The following GPR35 variants were observed in gnomAD, a reference collection of about 807,000 sequenced individuals.
The protein encoded by GPR35 is KYNA receptor.
For missense variants in GPR35, 372 were observed against 422.5 expected (o/e 0.88, Z 1.05); for synonymous variants, 207 against 198.4 (o/e 1.04, Z -0.36).
rs917882100 is a variant in GPR35, at chr2:240,631,970, C to A, written c.*1088C>A. ...ATGCGGCTGATGGCATCTCACAGGA[C>A]CCAGGCTCCGGAGGGCCCATGCCCA... is the stretch of plus-strand genomic sequence containing the variant. On this transcript the variant is annotated 3_prime_UTR_variant, in exon 2 of 2. Coordinates refer to ENST00000407714, the MANE Select transcript of GPR35 (RefSeq NM_005301.5). Among the ~76,000 whole-genome samples the A allele has an allele frequency of 6.5e-5, 3 of 45,832 alleles. No individual in the cohort carries two copies. The highest frequency in any genetic ancestry group is 2.4e-4 in the Non-Finnish European group (3 of 12,406). The allele number at this position is 45,832 out of a possible 152,430, so 30.1% of individuals were successfully genotyped here. A position where few individuals can be genotyped will look rare whatever the true frequency, so the allele number is the denominator to read the frequency against.
chr2:240,629,884 T>C, intron 1 of GPR35, 65 bp from the exon 2 acceptor site: 1 of 1,380,996 alleles, frequency 7.2e-7, no homozygotes, highest in Admixed American at 1.8e-5. Flanking sequence ...GTGGGCAGAG[T>C]GGGGGCAGTG....
chr2:240,616,441 A>G (rs2125478806), exon 3 of GPR35: 1 of 780,694 alleles, frequency 1.3e-6, no homozygotes, highest in Non-Finnish European at 2.4e-6. Context: ...TCCAGCCTGT[A>G]TGGCTGGAGT....
In GPR35 at chr2:240,608,330, C is replaced by T. The variant is rs2043155938; in HGVS notation, c.-577+1718C>T. Among the ~76,000 whole-genome samples, 4 of 152,326 alleles carry T rather than the reference C, an allele frequency of 2.6e-5. No individual in the cohort carries two copies. In the South Asian group the frequency reaches 8.3e-4, roughly 32 times the overall value. The stretch of plus-strand genomic sequence containing the variant: ...GTTTTTAATAGAAATGTGAGAGCCA[C>T]TTCGTTTGTTTCTGAGTATAGTGAG... On this transcript the variant is annotated intron_variant, in intron 2 of 5. Transcript: ENST00000319838.
chr2:240,615,357 T>C (rs1283554081), intron 2 of GPR35, among the ~76,000 whole-genome samples: 3 of 152,200 alleles, frequency 2.0e-5, no homozygotes, highest in African/African-American at 4.8e-5. Context: ...GGATCGTTCA[T>C]TTCAGGGCCA....
chr2:240,620,303 G>A lies in GPR35; in HGVS notation c.-5+1272G>A, dbSNP rs115205100. Among the ~76,000 whole-genome samples, 1,235 of 152,236 alleles carry A rather than the reference G, an allele frequency of 8.1e-3. 16 individuals carry two copies. The highest frequency in any genetic ancestry group is 0.029 in the African/African-American group (1,188 of 41,556). On this transcript the variant is annotated intron_variant, in intron 5 of 5. Coordinates refer to the GPR35 transcript ENST00000319838. The stretch of plus-strand genomic sequence containing the variant: ...TTCTGGCCTTTGGTGGCCAGGGCTG[G>A]GATCTCCCTGCTGGTGGCCAGATGC...
intron 2 of GPR35, chr2:240,607,143 C>T (rs1008527748): frequency 3.8e-4 from 57 of 151,832 alleles, no homozygotes; most frequent in Admixed American, 3.5e-3. Context: ...AATCTATGAA[C>T]GTGGTATACC....
exon 5 of GPR35, chr2:240,618,948 G>C (rs1420728238): frequency 1.4e-6 from 1 of 702,612 alleles, no homozygotes. Context: ...GAGAGATGCT[G>C]AGTGGTTCCC....
At chr2:240,609,055 T>A (rs1199034566) in intron 2 of GPR35, among the ~76,000 whole-genome samples, 1 of 152,200 alleles carries the variant, frequency 6.6e-6, no homozygotes, top group African/African-American at 2.4e-5. Flanking sequence ...CTGATGTCTG[T>A]AGGGTCTGAA....
Position 240,630,898 on chromosome 2 carries a change from C to A in GPR35, c.*16C>A. The A allele has an allele frequency of 6.3e-7, 1 of 1,597,042 alleles. No individual in the cohort carries two copies. Among genetic ancestry groups the A allele is most frequent in the Non-Finnish European group, 8.6e-7 (1 of 1,168,242 alleles). The stretch of plus-strand genomic sequence containing the variant: ...CCTCGCCTAAGAGGCGTGCTGTGGG[C>A]GCTGTGGGCCAGGTCTCGGGGGCTC... On this transcript the variant is annotated 3_prime_UTR_variant, in exon 2 of 2. Transcript: ENST00000407714.
At chr2:240,620,913 C>T (rs1014132210), upstream of GPR35, among the ~76,000 whole-genome samples, 4 of 152,216 alleles carry the variant, frequency 2.6e-5, no homozygotes, top group Non-Finnish European at 4.4e-5. Flanking sequence ...AGGACAGAGA[C>T]CCTGTGTCCT....
intron 2 of GPR35, among the ~76,000 whole-genome samples, chr2:240,609,374 A>T (rs77394240): frequency 0.035 from 5,375 of 152,162 alleles, 318 homozygotes; most frequent in East Asian, 0.2. Flanking sequence ...TAAGCATCAC[A>T]CTAACCTTAT....
intron 2 of GPR35, among the ~76,000 whole-genome samples, chr2:240,613,515 C>T (rs868380757): frequency 2.0e-5 from 3 of 152,014 alleles, no homozygotes; most frequent in Non-Finnish European, 2.9e-5. Flanking sequence ...AACCTGAACC[C>T]AAATCCTAAC....
Position 240,630,260 on chromosome 2 carries a change from GCAT to G in GPR35, c.311_313del (p.Ile104del). 1.3e-6 allele frequency: 2 copies of G among 1,564,436 alleles called. No individual in the cohort carries two copies. The highest frequency in any genetic ancestry group is 1.7e-6 in the Non-Finnish European group (2 of 1,158,898). ...ATCTACCTGACCAACAGGTACATGA[GCAT>G]CAGCCTGGTCACGGCCATCGCCGTG... On this transcript the variant is annotated inframe_deletion, in exon 2 of 2. Transcript: ENST00000407714.
At chr2:240,616,401 T>A (rs1050867843) in exon 3 of GPR35, 1 of 779,264 alleles carries the variant, frequency 1.3e-6, no homozygotes. Context: ...TCTTGCCCTG[T>A]GCAGCTTCCT....
In GPR35 at chr2:240,630,118, C is replaced by T. The variant is rs115880579; in HGVS notation, c.166C>T (p.Arg56Cys). Reference protein sequence around the residue: ...CCRMQQWTETRIYMTNLAVAD... With the variant: ...CCRMQQWTETCIYMTNLAVAD... ...CCGCATGCAGCAGTGGACGGAGACC[C>T]GCATCTACATGACCAACCTGGCGGT... The change falls in exon 2 of 2, where the codon CGC becomes TGC. Residue 56 changes from arginine to cysteine, a missense_variant. Coordinates refer to ENST00000407714, the MANE Select transcript of GPR35 (RefSeq NM_005301.5). The T allele has an allele frequency of 1.2e-3, 1,895 of 1,606,638 alleles. 16 individuals carry two copies. The African/African-American group carries it at 0.018, about 16-fold the overall frequency.
chr2:240,618,793 A>C (rs1229565695), intron 4 of GPR35: 1 of 533,398 alleles, frequency 1.9e-6, no homozygotes, highest in Non-Finnish European at 3.3e-6. Flanking sequence ...TCAATTGTCT[A>C]TATGTACATA....
chr2:240,613,160 C>T (rs539813722), intron 2 of GPR35, among the ~76,000 whole-genome samples: 23 of 152,232 alleles, frequency 1.5e-4, no homozygotes, highest in South Asian at 2.1e-4. Flanking sequence ...AGAAGATACG[C>T]GGAACAGGAG....
Position 240,630,891 on chromosome 2 carries a change from C to T in GPR35, c.*9C>T. ...GCGTGACCCTCGCCTAAGAGGCGTGCTGTGGGCGCTGTGGGCCAGGTCTCG... is the reference window on the plus strand; with the variant it reads ...GCGTGACCCTCGCCTAAGAGGCGTGTTGTGGGCGCTGTGGGCCAGGTCTCG... On this transcript the variant is annotated 3_prime_UTR_variant, in exon 2 of 2. Coordinates refer to ENST00000407714, the MANE Select transcript of GPR35 (RefSeq NM_005301.5). 6.3e-7 allele frequency: 1 copy of T among 1,599,192 alleles called. No homozygotes were observed. Among genetic ancestry groups the T allele is most frequent in the Non-Finnish European group, 8.5e-7 (1 of 1,169,652 alleles).
chr2:240,607,281 C>G (rs561612689), intron 2 of GPR35: 105 of 151,948 alleles, frequency 6.9e-4, no homozygotes, highest in African/African-American at 2.4e-3. Context: ...CTCCTGGGCT[C>G]AGGTGATTCT....
Sources: gnomAD v4.1 joint callset for allele counts (sites outside exome capture counted in the v4.1 genomes callset) on GRCh38, gnomAD v4.1.1 for gene constraint, MANE v1.5 for transcripts, NCBI Gene and HGNC (gene_info 2026-07-23, HGNC 2026-07-21) for gene names.